The following VSX2 variants were observed in gnomAD, a reference collection of about 807,000 sequenced individuals.
VSX2 encodes the protein ceh-10 homeo domain containing homolog.
In VSX2, 28 loss-of-function variants were observed where a neutral mutation model predicts 32.1. That is an observed-to-expected ratio of 0.87 (90% CI 0.65 to 1.20). The LOEUF (loss-of-function observed/expected upper bound fraction) is 1.20, where lower values mean the gene tolerates loss of function less well. Ranked by LOEUF, VSX2 falls within the 50% of genes most tolerant of loss-of-function variation. The pLI, the probability that VSX2 is intolerant of heterozygous loss-of-function variation, is 0.00. For missense variants in VSX2, 506 were observed against 488.7 expected, an observed-to-expected ratio of 1.04 and a Z score of -0.33; for synonymous variants, 243 against 214.1, an observed-to-expected ratio of 1.14 and a Z score of -1.18.
intron 3 of VSX2, among the ~76,000 whole-genome samples, chr14:74,257,727 C>T (rs935366247): frequency 2.0e-5 from 3 of 151,930 alleles, no homozygotes; most frequent in Non-Finnish European, 2.9e-5. Flanking sequence ...CCCACTTCCC[C>T]CGAGCCCCGC....
At chr14:74,258,269 G>A (rs992228508) in intron 3 of VSX2, among the ~76,000 whole-genome samples, 2 of 152,176 alleles carry the variant, frequency 1.3e-5, no homozygotes, top group African/African-American at 4.8e-5. Context: ...GAGGCCCATC[G>A]ATTCAAACTG....
At chr14:74,248,323 T>A (rs2079205672) in intron 3 of VSX2, among the ~76,000 whole-genome samples, 1 of 129,356 alleles carries the variant, frequency 7.7e-6, no homozygotes. Context: ...CCCAGCAGTT[T>A]GAGACCAGGC....
At position 74,261,108 on chromosome 14, in the gene VSX2, C is replaced by A. The variant is rs1187718150; in HGVS notation, c.*189C>A. The A allele has an allele frequency of 1.5e-5, 10 of 651,108 alleles. No homozygotes were observed. The East Asian group carries it at 1.9e-4, about 13-fold the overall frequency. The allele number at this position is 651,108 out of a possible 1,614,324, so 40.3% of individuals were successfully genotyped here. On this transcript the variant is annotated 3_prime_UTR_variant, in exon 5 of 5. Transcript: ENST00000261980. ...CTGACTCTGGACCATGCTGAGACATCCCTCATCTAGTCTTGACCTCTCCAG... is the reference window on the plus strand; with the variant it reads ...CTGACTCTGGACCATGCTGAGACATACCTCATCTAGTCTTGACCTCTCCAG...
chr14:74,251,640 G>A (rs1349342749), intron 3 of VSX2, among the ~76,000 whole-genome samples: 13 of 152,136 alleles, frequency 8.5e-5, no homozygotes, highest in African/African-American at 3.1e-4. Flanking sequence ...GGTGGCAGGG[G>A]TTTGGGGTGA....
intron 1 of VSX2, among the ~76,000 whole-genome samples, chr14:74,240,314 C>G (rs967718053): frequency 6.6e-6 from 1 of 152,134 alleles, no homozygotes; most frequent in Non-Finnish European, 1.5e-5. Flanking sequence ...GGTGTAGGAT[C>G]CGCACTCCTC....
At chr14:74,254,410 G>C (rs2079249164) in intron 3 of VSX2, among the ~76,000 whole-genome samples, 1 of 151,820 alleles carries the variant, frequency 6.6e-6, no homozygotes, top group South Asian at 2.1e-4. Flanking sequence ...GCGAGACTCT[G>C]TCTCAAATTT....
In VSX2 at chr14:74,260,754, G is replaced by T. The variant is rs768286032; in HGVS notation, c.921G>T (p.Ala307=). The T allele has an allele frequency of 6.3e-7, 1 of 1,589,506 alleles. No individual in the cohort carries two copies. Among genetic ancestry groups the T allele is most frequent in the East Asian group, 2.3e-5 (1 of 43,838 alleles). ...AGGAACTGAGGGAGAACAGCATTGC[G>T]GTGCTCCGGGCCAAAGCTCAGGAGC... ...SQEELRENSI[A]VLRAKAQEHS... is the part of the protein sequence containing the mutation. Residue 307 remains alanine (A), a synonymous_variant, in exon 5 of 5, where the codon GCG becomes GCT. Coordinates refer to ENST00000261980, the MANE Select transcript of VSX2 (RefSeq NM_182894.3).
In VSX2 at chr14:74,245,264, G is replaced by A. The variant is rs761903752; in HGVS notation, c.555G>A (p.Thr185=). 1 of 1,613,524 alleles carries A rather than the reference G, an allele frequency of 6.2e-7. No homozygotes were observed. The highest frequency in any genetic ancestry group is 1.1e-5 in the South Asian group (1 of 91,022). Residue 185 remains threonine (T), a synonymous_variant, in exon 3 of 5, where the codon ACG becomes ACA. Transcript: ENST00000261980. Reference sequence around the variant, plus strand: ...CCCGGGAGATGCTGGCCATGAAAACGGAGCTGCCGGAAGACAGGATACAGG... The same window carrying A: ...CCCGGGAGATGCTGGCCATGAAAACAGAGCTGCCGGAAGACAGGATACAGG... ...VYAREMLAMK[T]ELPEDRIQVW... is the part of the protein sequence containing the mutation.
rs1555387994 is a variant in VSX2 at position 74,248,342 on chromosome 14, A to AAAC, written c.579+3056_579+3057insCAA. ...GCAGTTTGAGACCAGGCTAAAAAAA[A>AAAC]AAAAAAAAACAAAAAAAACCAAAAA... On this transcript the variant is annotated intron_variant, in intron 3 of 4. Coordinates refer to ENST00000261980, the MANE Select transcript of VSX2 (RefSeq NM_182894.3). Among the ~76,000 whole-genome samples the AAAC allele has an allele frequency of 2.9e-5, 4 of 139,540 alleles. 1 individual carries two copies. The highest frequency in any genetic ancestry group is 6.4e-5 in the Non-Finnish European group (4 of 62,680). The allele number at this position is 139,540 out of a possible 152,430, so 91.5% of individuals were successfully genotyped here.
At chr14:74,247,743 C>T (rs1365476225) in intron 3 of VSX2, among the ~76,000 whole-genome samples, 22 of 150,964 alleles carry the variant, frequency 1.5e-4, no homozygotes, top group African/African-American at 4.6e-4. Flanking sequence ...TGAAGTCAGG[C>T]GGGGGACCTG....
chr14:74,240,177 G>C (rs1341401181), intron 1 of VSX2, among the ~76,000 whole-genome samples: 3 of 152,228 alleles, frequency 2.0e-5, no homozygotes, highest in Admixed American at 6.5e-5. Flanking sequence ...GCGTCGGGCA[G>C]GGCTCGGCCA....
At chr14:74,253,048 CAAA>C (rs34396021) in intron 3 of VSX2, among the ~76,000 whole-genome samples, 6 of 95,418 alleles carry the variant, frequency 6.3e-5, no homozygotes, top group Non-Finnish European at 2.2e-5. Context: ...GACTCCATCT[CAAA>C]AAAAAAAAAA....
At chr14:74,256,369 G>T (rs1301604608) in intron 3 of VSX2, among the ~76,000 whole-genome samples, 2 of 152,116 alleles carry the variant, frequency 1.3e-5, no homozygotes, top group African/African-American at 4.8e-5. Flanking sequence ...AGGTGGAGGT[G>T]GCAGTGAGCC....
intron 2 of VSX2, among the ~76,000 whole-genome samples, 180 bp from the exon 3 acceptor site, chr14:74,244,985 A>T (rs1195068564): frequency 0.11 from 7,624 of 66,340 alleles, 1,666 homozygotes; most frequent in East Asian, 0.51. Context: ...TGTGTGTGAG[A>T]GAGAGAGAGA....
At chr14:74,243,356 T>C (rs2079163638) in intron 2 of VSX2, among the ~76,000 whole-genome samples, 1 of 152,166 alleles carries the variant, frequency 6.6e-6, no homozygotes, top group Admixed American at 6.5e-5. Flanking sequence ...GGGTTCTGCA[T>C]AAACCAGGAA....
intron 2 of VSX2, 97 bp from the exon 3 acceptor site, chr14:74,245,068 G>T: frequency 1.3e-6 from 2 of 1,553,766 alleles, no homozygotes; most frequent in South Asian, 2.3e-5. Flanking sequence ...TGGGTTCGGG[G>T]CCTGCCCAGG....
intron 2 of VSX2, among the ~76,000 whole-genome samples, chr14:74,242,817 C>T (rs950151763): frequency 2.6e-5 from 4 of 152,056 alleles, no homozygotes; most frequent in Non-Finnish European, 5.9e-5. Context: ...GGGGTTCCCA[C>T]AGCATGGAGA....
chr14:74,248,716 AC>A (rs1186612508), intron 3 of VSX2, among the ~76,000 whole-genome samples: 5 of 151,010 alleles, frequency 3.3e-5, no homozygotes, highest in South Asian at 2.1e-4. Flanking sequence ...AAAAAAAAAA[AC>A]AGAGAGAAAT....
At chr14:74,244,963 TGTGTGTGTGTGTGTGTGTGAGAGA>T (rs2079179939) in intron 2 of VSX2, among the ~76,000 whole-genome samples, 178 bp from the exon 3 acceptor site, 2 of 102,250 alleles carry the variant, frequency 2.0e-5, no homozygotes, top group South Asian at 3.2e-4. Context: ...TGTGTGTGTG[TGTGTGTGTGTGTGTGTGTGAGAGA>T]GAGAGAGAGA....
Sources: gnomAD v4.1 joint callset for allele counts (sites outside exome capture counted in the v4.1 genomes callset) on GRCh38, gnomAD v4.1.1 for gene constraint, MANE v1.5 for transcripts, NCBI Gene and HGNC (gene_info 2026-07-23, HGNC 2026-07-21) for gene names.